CNTNAP3B: variants seen among roughly 807,000 people sequenced by gnomAD.
The protein encoded by CNTNAP3B is contactin-associated protein-like 3B.
CNTNAP3B carries 25 observed loss-of-function variants against 108.9 expected under a neutral mutation model. That is an observed-to-expected ratio of 0.23 (90% CI 0.17 to 0.32). The LOEUF is 0.32. Among genes scored for constraint, CNTNAP3B ranks in the 10% least tolerant of loss-of-function variants. The probability of loss-of-function intolerance (pLI) is 1.00; values close to 1 mark genes in which losing one functional copy is unlikely to be tolerated. For missense variants in CNTNAP3B, 252 were observed against 1,210.4 expected (o/e 0.21, Z 11.75); for synonymous variants, 103 against 473.4 (o/e 0.22, Z 10.16).
intron 2 of CNTNAP3B, among the ~76,000 whole-genome samples, chr9:42,088,575 A>AT (rs1827751687): frequency 7.2e-6 from 1 of 139,202 alleles, no homozygotes; most frequent in South Asian, 2.3e-4. Flanking sequence ...ATCGAAACAC[A>AT]TTTTGCTATA....
chr9:41,937,097 C>T (rs940433349), intron 14 of CNTNAP3B, among the ~76,000 whole-genome samples: 25 of 132,540 alleles, frequency 1.9e-4, no homozygotes, highest in Non-Finnish European at 2.7e-4. Context: ...ATGACCATTA[C>T]ATTTTTTATT....
rs545278204 is a variant in CNTNAP3B at position 41,917,360 on chromosome 9, C to T, written c.2995+2710G>A. Among the ~76,000 whole-genome samples, 27 of 141,256 alleles carry T rather than the reference C, an allele frequency of 1.9e-4. 1 individual carries two copies. The highest frequency in any genetic ancestry group is 3.7e-4 in the Non-Finnish European group (24 of 65,230). 92.7% of individuals were successfully genotyped at this position (141,256 alleles called of 152,430 possible). ...AGAGTTATCAACATTCTCTTAATTG[C>T]TTACTGCCAATATCTTCATACCACT... On this transcript the variant is annotated intron_variant, in intron 18 of 23. Transcript: ENST00000377561.
chr9:41,942,990 A>G (rs1349084912), intron 13 of CNTNAP3B, among the ~76,000 whole-genome samples: 1 of 152,278 alleles, frequency 6.6e-6, no homozygotes, highest in Non-Finnish European at 1.5e-5. Context: ...CAAACAATAC[A>G]GTCTTATGAG....
At chr9:42,056,308 GAAT>G (rs1827066573) in intron 3 of CNTNAP3B, among the ~76,000 whole-genome samples, 1 of 128,968 alleles carries the variant, frequency 7.8e-6, no homozygotes, top group Non-Finnish European at 1.6e-5. Context: ...AAACAAGGTT[GAAT>G]ATTATCTCAT....
At chr9:41,933,064 T>C (rs948766797) in intron 14 of CNTNAP3B, among the ~76,000 whole-genome samples, 3 of 152,302 alleles carry the variant, frequency 2.0e-5, no homozygotes, top group African/African-American at 7.2e-5. Flanking sequence ...AATTTCCATA[T>C]GAATTTTAAA....
chr9:42,110,870 A>T (rs1828180719), intron 1 of CNTNAP3B, among the ~76,000 whole-genome samples: 1 of 140,190 alleles, frequency 7.1e-6, no homozygotes, highest in African/African-American at 2.8e-5. Flanking sequence ...ATCTGAATTG[A>T]TCTGTGCATT....
chr9:42,053,658 G>T (rs1441383892), intron 3 of CNTNAP3B, among the ~76,000 whole-genome samples: 3 of 141,930 alleles, frequency 2.1e-5, no homozygotes, highest in Non-Finnish European at 4.6e-5. Context: ...ACGTTTGGGG[G>T]TGATACCTGA....
At chr9:41,923,605 T>C (rs1410753601) in intron 16 of CNTNAP3B, among the ~76,000 whole-genome samples, 2 of 152,286 alleles carry the variant, frequency 1.3e-5, no homozygotes, top group South Asian at 4.1e-4. Context: ...CTACCAAAAA[T>C]ACAAAAATTA....
Position 42,129,296 on chromosome 9 carries a change from C to T in CNTNAP3B, c.-202G>A. ...ACCCTCCCGCCAAGCCGCGCCCGGC[C>T]CCAGCTGCGTCTCCGAGGTCGGCCC... On this transcript the variant is annotated 5_prime_UTR_variant, in exon 1 of 24. Transcript: ENST00000377561. The T allele has an allele frequency of 5.0e-6, 3 of 597,492 alleles. No homozygotes were observed. Among genetic ancestry groups the T allele is most frequent in the Non-Finnish European group, 6.7e-6 (3 of 444,644 alleles). 37.0% of individuals were successfully genotyped at this position (597,492 alleles called of 1,614,324 possible).
chr9:41,953,361 C>T lies in CNTNAP3B; in HGVS notation c.1902G>A (p.Arg634=), dbSNP rs775935621. 1 of 1,551,250 alleles carries T rather than the reference C, an allele frequency of 6.4e-7. No individual in the cohort carries two copies. The highest frequency in any genetic ancestry group is 1.2e-5 in the South Asian group (1 of 85,134). Residue 634 remains arginine, a synonymous_variant, in exon 13 of 24, where the codon CGG becomes CGA. Coordinates refer to ENST00000377561, the MANE Select transcript of CNTNAP3B (RefSeq NM_001201380.3). ...MTADSAWTVV[R]HGGPDAVTLR... ...GGGTCACCGCGTCGGGGCCACCGTGCCGCACCACCGTCCACGCGGAGTCTG... is the reference window on the plus strand; with the variant it reads ...GGGTCACCGCGTCGGGGCCACCGTGTCGCACCACCGTCCACGCGGAGTCTG...
chr9:42,089,033 A>G (rs879627380), intron 2 of CNTNAP3B, among the ~76,000 whole-genome samples: 7,838 of 111,486 alleles, frequency 0.07, 272 homozygotes, highest in Non-Finnish European at 0.094. Context: ...CCTGGTAAAC[A>G]TGGTGAAACC....
chr9:42,127,892 C>T (rs1828607142), intron 1 of CNTNAP3B, among the ~76,000 whole-genome samples: 1 of 139,432 alleles, frequency 7.2e-6, no homozygotes, highest in Non-Finnish European at 1.5e-5. Flanking sequence ...CTTTTCATGA[C>T]AGCTTAGGAA....
At chr9:41,981,652 C>A (rs1024600414) in intron 9 of CNTNAP3B, among the ~76,000 whole-genome samples, 1 of 20,586 alleles carries the variant, frequency 4.9e-5, no homozygotes, top group African/African-American at 1.8e-4. Context: ...AGGGAAAGGA[C>A]TCCCTATTCA....
chr9:41,958,462 T>G (rs1332695812), intron 12 of CNTNAP3B, among the ~76,000 whole-genome samples: 8 of 151,998 alleles, frequency 5.3e-5, no homozygotes, highest in Admixed American at 4.6e-4. Flanking sequence ...AGATGTGATG[T>G]ACCAGGTAAA....
chr9:42,096,400 A>T (rs1354859460), intron 2 of CNTNAP3B, among the ~76,000 whole-genome samples: 2 of 139,852 alleles, frequency 1.4e-5, no homozygotes, highest in Non-Finnish European at 3.1e-5. Context: ...TCCCTTTCAA[A>T]CTTTTTCTAC....
rs1384040391 is a variant in CNTNAP3B, at chr9:42,128,521, C to G, written c.85+489G>C. 2.2e-5 allele frequency among the ~76,000 whole-genome samples: 3 copies of G among 138,070 alleles called. 1 individual carries two copies. Among genetic ancestry groups the G allele is most frequent in the African/African-American group, 8.7e-5 (3 of 34,446 alleles). 90.6% of individuals were successfully genotyped at this position (138,070 alleles called of 152,430 possible). Reference sequence around the variant, plus strand: ...TAATTTAGTTTCGCCTACAGGCACTCTGTCCCTATACTGCGTGGAAGTTAA... The same window carrying G: ...TAATTTAGTTTCGCCTACAGGCACTGTGTCCCTATACTGCGTGGAAGTTAA... On this transcript the variant is annotated intron_variant, in intron 1 of 23. Transcript: ENST00000377561.
chr9:41,937,005 G>A (rs1824177170), intron 14 of CNTNAP3B, among the ~76,000 whole-genome samples: 1 of 152,110 alleles, frequency 6.6e-6, no homozygotes, highest in African/African-American at 2.4e-5. Context: ...TACCATGCAG[G>A]CCAAACAACT....
At chr9:42,012,333 T>G (rs1273095570) in intron 4 of CNTNAP3B, among the ~76,000 whole-genome samples, 6 of 112,588 alleles carry the variant, frequency 5.3e-5, no homozygotes, top group Admixed American at 9.1e-5. Flanking sequence ...AAAAGACCGT[T>G]GGTAAAGCAA....
In CNTNAP3B at chr9:42,062,776, T is replaced by A. The variant is rs1478941458; in HGVS notation, c.390+14093A>T. Among the ~76,000 whole-genome samples the A allele has an allele frequency of 1.3e-4, 12 of 95,066 alleles. 4 individuals carry two copies. Among genetic ancestry groups the A allele is most frequent in the African/African-American group, 4.7e-4 (12 of 25,264 alleles). 62.4% of individuals were successfully genotyped at this position (95,066 alleles called of 152,430 possible). A position where few individuals can be genotyped will look rare whatever the true frequency, so the allele number is the denominator to read the frequency against. ...GATTAGGCAATTTTCTATAGTGGCA[T>A]GGTTTGATTCCTTACTTTGTATCTT... On this transcript the variant is annotated intron_variant, in intron 3 of 23. Transcript: ENST00000377561.
Sources: gnomAD v4.1 joint callset for allele counts (sites outside exome capture counted in the v4.1 genomes callset) on GRCh38, gnomAD v4.1.1 for gene constraint, MANE v1.5 for transcripts, NCBI Gene and HGNC (gene_info 2026-07-23, HGNC 2026-07-21) for gene names.